Variants in CCDC92B observed in about 807,000 individuals in gnomAD.
The protein encoded by CCDC92B is coiled-coil domain-containing 92B.
CCDC92B carries 2 observed loss-of-function variants against 5.6 expected under a neutral mutation model. That is an observed-to-expected ratio of 0.36 (90% CI 0.15 to 1.12). The LOEUF (loss-of-function observed/expected upper bound fraction) is 1.12, where lower values mean the gene tolerates loss of function less well. Among genes scored for constraint, CCDC92B ranks in the 50% most tolerant of loss-of-function variants. The probability of loss-of-function intolerance (pLI) is 0.40; values close to 1 mark genes in which losing one functional copy is unlikely to be tolerated. For synonymous variants in CCDC92B, 115 were observed against 122.3 expected (o/e 0.94, Z 0.39); for missense variants, 271 against 262.2 (o/e 1.03, Z -0.23).
chr17:2,737,537 C>G (rs1014078093), intron 1 of CCDC92B, among the ~76,000 whole-genome samples: 5 of 138,416 alleles, frequency 3.6e-5, no homozygotes, highest in African/African-American at 1.4e-4. Flanking sequence ...TGCAGTGGCA[C>G]GATCTCGGCT....
Position 2,724,061 on chromosome 17 carries a change from C to T in CCDC92B, c.*350G>A, listed in dbSNP as rs1357233744. ...TAGGCGAGCCCAGCCCTCCCCACCC[C>T]ACCAAGGATTGTCGGCTTTCCCGGG... On this transcript the variant is annotated 3_prime_UTR_variant, in exon 4 of 4. Transcript: ENST00000614400. This position sits in a 1 kb window ranked among gnomAD's most constrained non-coding sequence, Gnocchi z 5.0. 1.0e-6 allele frequency: 1 copy of T among 985,186 alleles called. No homozygotes were observed. Among genetic ancestry groups the T allele is most frequent in the African/African-American group, 1.7e-5 (1 of 57,230 alleles). The allele number at this position is 985,186 out of a possible 1,614,324, so 61.0% of individuals were successfully genotyped here.
chr17:2,730,412 C>A, intron 3 of CCDC92B, 34 bp downstream of exon 3: 1 of 983,770 alleles, frequency 1.0e-6, no homozygotes, highest in Non-Finnish European at 1.2e-6. Context: ...TGTTGGGCCC[C>A]ATGACGCTTC....
Position 2,740,078 on chromosome 17 carries a change from C to G in CCDC92B, c.-23-4910G>C, listed in dbSNP as rs374138218. On this transcript the variant is annotated intron_variant, in intron 1 of 3. Transcript: ENST00000614400. ...TAATGTGAAAGAATAAAGAGGGGAA[C>G]CTGCTTTAGATTTGAGGTGAGGAAA... Among the ~76,000 whole-genome samples the G allele has an allele frequency of 1.1e-4, 16 of 152,156 alleles. No individual in the cohort carries two copies. In the East Asian group the frequency reaches 2.9e-3, roughly 28 times the overall value.
In CCDC92B at chr17:2,741,685, C is replaced by T. The variant is rs1289306957; in HGVS notation, c.-23-6517G>A. Among the ~76,000 whole-genome samples the T allele has an allele frequency of 8.9e-5, 13 of 146,858 alleles. No homozygotes were observed. In the South Asian group the frequency reaches 9.2e-4, roughly 10 times the overall value. ...TCGGCTCACTGCAAGCTCTGCCTCCCGGGTTCGCCTCATTCTCCTGCCTCA... is the reference window on the plus strand; with the variant it reads ...TCGGCTCACTGCAAGCTCTGCCTCCTGGGTTCGCCTCATTCTCCTGCCTCA... On this transcript the variant is annotated intron_variant, in intron 1 of 3. Coordinates refer to ENST00000614400, the MANE Select transcript of CCDC92B (RefSeq NM_001355573.2).
In CCDC92B at chr17:2,736,656, G is replaced by A. The variant is rs570484182; in HGVS notation, c.-23-1488C>T. Reference sequence around the variant, plus strand: ...AGCACTTTTGGAGGCCAAGGTCGGCGGATCACTTGAGGTCAGTTCGAGACC... The same window carrying A: ...AGCACTTTTGGAGGCCAAGGTCGGCAGATCACTTGAGGTCAGTTCGAGACC... On this transcript the variant is annotated intron_variant, in intron 1 of 3. Coordinates refer to ENST00000614400, the MANE Select transcript of CCDC92B (RefSeq NM_001355573.2). 7.6e-4 allele frequency among the ~76,000 whole-genome samples: 116 copies of A among 151,822 alleles called. 1 individual carries two copies. Among genetic ancestry groups the A allele is most frequent in the African/African-American group, 2.6e-3 (106 of 41,380 alleles).
chr17:2,743,695 ATCTCCTCAAGGCCTAT>A (rs998457340), intron 1 of CCDC92B, among the ~76,000 whole-genome samples: 4 of 151,882 alleles, frequency 2.6e-5, no homozygotes, highest in African/African-American at 9.7e-5. Context: ...CTTCACCAAG[ATCTCCTCAAGGCCTAT>A]TCCCCTCCTT....
At chr17:2,739,950 G>T (rs186163567) in intron 1 of CCDC92B, among the ~76,000 whole-genome samples, 7 of 152,128 alleles carry the variant, frequency 4.6e-5, no homozygotes, top group Non-Finnish European at 1.0e-4. Flanking sequence ...TGGATCTCAC[G>T]GGGTGAAGAG....
rs1461019131 is a variant in CCDC92B, at chr17:2,721,963, GC to G, written c.*2447del. On this transcript the variant is annotated 3_prime_UTR_variant, in exon 4 of 4. Transcript: ENST00000614400. ...GGGCCCCTAGCTGGACACCCTGGAT[GC>G]CCAGGAGGGAAGGGGGAAGGGGGCT... 2 of 152,050 alleles carry G rather than the reference GC, an allele frequency of 1.3e-5. No individual in the cohort carries two copies. Among genetic ancestry groups the G allele is most frequent in the African/African-American group, 4.8e-5 (2 of 41,360 alleles). 9.4% of individuals were successfully genotyped at this position (152,050 alleles called of 1,614,324 possible).
At chr17:2,728,413 C>T (rs1287666905) in intron 3 of CCDC92B, among the ~76,000 whole-genome samples, 2 of 151,988 alleles carry the variant, frequency 1.3e-5, no homozygotes, top group Admixed American at 6.6e-5. Flanking sequence ...CTAGACCATC[C>T]TGGCTAACAC....
chr17:2,745,735 G>A (rs2070977822), intron 1 of CCDC92B, among the ~76,000 whole-genome samples: 2 of 152,084 alleles, frequency 1.3e-5, no homozygotes, highest in Admixed American at 1.3e-4. Flanking sequence ...AGAAGCTCAT[G>A]CCCGAGGACT....
chr17:2,731,135 G>A lies in CCDC92B; in HGVS notation c.131-642C>T, dbSNP rs542340762. On this transcript the variant is annotated intron_variant, in intron 2 of 3. Transcript: ENST00000614400. ...TTCGAGCAGGACGGTGCGGTCTATTGATGGGGGCCGGGCTTGGCACTGAGG... is the reference window on the plus strand; with the variant it reads ...TTCGAGCAGGACGGTGCGGTCTATTAATGGGGGCCGGGCTTGGCACTGAGG... Among the ~76,000 whole-genome samples, 8 of 152,298 alleles carry A rather than the reference G, an allele frequency of 5.3e-5. No individual in the cohort carries two copies. The East Asian group carries it at 1.5e-3, about 29-fold the overall frequency.
intron 1 of CCDC92B, chr17:2,748,425 C>G: frequency 3.0e-6 from 3 of 985,020 alleles, no homozygotes; most frequent in Non-Finnish European, 3.6e-6. Flanking sequence ...TATTATCACT[C>G]TTTGTTCTGT....
rs544783308 is a variant in CCDC92B at position 2,722,016 on chromosome 17, G to T, written c.*2395C>A. The T allele has an allele frequency of 4.5e-4, 69 of 152,298 alleles. 2 individuals are homozygous for T. The South Asian group carries it at 0.013, about 29-fold the overall frequency. The allele number at this position is 152,298 out of a possible 1,614,324, so 9.4% of individuals were successfully genotyped here. A position where few individuals can be genotyped will look rare whatever the true frequency, so the allele number is the denominator to read the frequency against. On this transcript the variant is annotated 3_prime_UTR_variant, in exon 4 of 4. Coordinates refer to ENST00000614400, the MANE Select transcript of CCDC92B (RefSeq NM_001355573.2). ...TTGCTATAGAGCTGGGGGGAGGCCA[G>T]GCGGACGGAGCTATGGCTTTTAGTG...
chr17:2,734,363 A>G (rs1399959647), intron 2 of CCDC92B, among the ~76,000 whole-genome samples: 1 of 151,870 alleles, frequency 6.6e-6, no homozygotes, highest in Non-Finnish European at 1.5e-5. Flanking sequence ...GCTCTACCTT[A>G]ATACCACCAG....
In CCDC92B at chr17:2,730,521, T is replaced by G. The variant is rs866977237; in HGVS notation, c.131-28A>C. 527 of 305,436 alleles carry G rather than the reference T, an allele frequency of 1.7e-3. 1 individual carries two copies. Among genetic ancestry groups the G allele is most frequent in the Non-Finnish European group, 2.0e-3 (492 of 248,452 alleles). The allele number at this position is 305,436 out of a possible 1,614,324, so 18.9% of individuals were successfully genotyped here. On this transcript the variant is annotated intron_variant, in intron 2 of 3. Transcript: ENST00000614400. ...GGGGGGAAAGAAAAGAAAAGGCAGT[T>G]TGTGTGTGTGTGTGTGTGTGTGTGT... is the stretch of plus-strand genomic sequence containing the variant.
At chr17:2,748,682 A>T (rs1389246015) in intron 1 of CCDC92B, among the ~76,000 whole-genome samples, 1 of 152,206 alleles carries the variant, frequency 6.6e-6, no homozygotes, top group African/African-American at 2.4e-5. Context: ...CTTACTGGGA[A>T]TCACCAGGGC....
intron 1 of CCDC92B, among the ~76,000 whole-genome samples, chr17:2,738,283 C>T (rs768312421): frequency 6.6e-6 from 1 of 151,984 alleles, no homozygotes; most frequent in Non-Finnish European, 1.5e-5. Context: ...AGCAATCCTC[C>T]CACCTTGGTC....
At chr17:2,729,646 G>C (rs1318141713) in intron 3 of CCDC92B, among the ~76,000 whole-genome samples, 1 of 152,110 alleles carries the variant, frequency 6.6e-6, no homozygotes, top group Non-Finnish European at 1.5e-5. Context: ...TTAATTGTGG[G>C]GGAAAAAATG....
At chr17:2,734,295 T>G (rs1023999555) in intron 2 of CCDC92B, among the ~76,000 whole-genome samples, 1 of 152,074 alleles carries the variant, frequency 6.6e-6, no homozygotes, top group African/African-American at 2.4e-5. Context: ...GCCTCCTCCT[T>G]CAGCACCTGC....
Sources: gnomAD v4.1 joint callset for allele counts (sites outside exome capture counted in the v4.1 genomes callset) on GRCh38, gnomAD v4.1.1 for gene constraint, Gnocchi (gnomAD v3.1) non-coding constraint, MANE v1.5 for transcripts, NCBI Gene and HGNC (gene_info 2026-07-23, HGNC 2026-07-21) for gene names.